Variants in CACNB3 observed in about 807,000 individuals in gnomAD.
CACNB3 encodes calcium voltage-gated channel auxiliary subunit beta 3.
A neutral mutation model predicts 63.7 loss-of-function variants in CACNB3; 36 were observed. That is an observed-to-expected ratio of 0.57 (90% CI 0.43 to 0.75). The LOEUF is 0.75. Ranked by LOEUF, CACNB3 falls within the 30% of genes least tolerant of loss-of-function variation. CACNB3 has a pLI of 0.00. For synonymous variants in CACNB3, 241 were observed against 250.6 expected (o/e 0.96, Z 0.36); for missense variants, 493 against 648.6 (o/e 0.76, Z 2.61).
upstream of CACNB3, chr12:48,815,637 G>A: frequency 6.5e-7 from 1 of 1,532,512 alleles, no homozygotes; most frequent in Non-Finnish European, 8.7e-7. Context: ...TTTTGCTCCC[G>A]CCTCGGAGCC....
intron 1 of CACNB3, among the ~76,000 whole-genome samples, chr12:48,822,747 C>G (rs1409487099): frequency 6.6e-6 from 1 of 152,218 alleles, no homozygotes; most frequent in Non-Finnish European, 1.5e-5. Context: ...TTGTGTCCTC[C>G]TCTTCACCCT....
chr12:48,822,888 G>A (rs1252335930), intron 1 of CACNB3, among the ~76,000 whole-genome samples: 1 of 152,298 alleles, frequency 6.6e-6, no homozygotes, highest in East Asian at 1.9e-4. Flanking sequence ...TCTCTTGACT[G>A]TTGCGGCTGG....
rs1399980171 is a variant in CACNB3 at position 48,826,945 on chromosome 12, C to G, written c.991-29C>G. The G allele has an allele frequency of 6.2e-7, 1 of 1,613,524 alleles. No homozygotes were observed. Among genetic ancestry groups the G allele is most frequent in the Non-Finnish European group, 8.5e-7 (1 of 1,179,640 alleles). On this transcript the variant is annotated intron_variant, in intron 11 of 12. Transcript: ENST00000301050. The surrounding 1 kb of genome is among the most constrained non-coding windows in gnomAD (Gnocchi z 4.8). ...TGGGGGGCTGCTACTGAGGGGAAAC[C>G]AACGTTGCGCCTTCCTCCCCCTCCC...
chr12:48,824,460 G>A (rs1938020211), intron 4 of CACNB3, 87 bp downstream of exon 4: 3 of 1,227,284 alleles, frequency 2.4e-6, no homozygotes, highest in Non-Finnish European at 2.3e-6. Context: ...CCATACACAT[G>A]CATATCCCCC....
Position 48,823,829 on chromosome 12 carries a change from G to A in CACNB3, c.291+26G>A, listed in dbSNP as rs767296329. ...GTGATCGACCCCCCTACTTCCAGAA[G>A]CCTCTAACTTCATTTTCTTGCTCTT... On this transcript the variant is annotated intron_variant, in intron 3 of 12. Transcript: ENST00000301050. The surrounding 1 kb of genome is among the most constrained non-coding windows in gnomAD (Gnocchi z 4.2). The A allele has an allele frequency of 1.2e-4, 192 of 1,613,042 alleles. 1 individual carries two copies. The highest frequency in any genetic ancestry group is 1.4e-4 in the Non-Finnish European group (169 of 1,179,680).
In CACNB3 at chr12:48,826,924, G is replaced by A; in HGVS notation, c.991-50G>A. On this transcript the variant is annotated intron_variant, in intron 11 of 12. Transcript: ENST00000301050. This position sits in a 1 kb window ranked among gnomAD's most constrained non-coding sequence, Gnocchi z 4.8. ...TGCGGCAGTGATAGAGATGGGTGGG[G>A]GGCTGCTACTGAGGGGAAACCAACG... The A allele has an allele frequency of 1.2e-6, 2 of 1,613,344 alleles. No homozygotes were observed. Among genetic ancestry groups the A allele is most frequent in the Non-Finnish European group, 1.7e-6 (2 of 1,179,526 alleles).
Position 48,824,653 on chromosome 12 carries a change from C to T in CACNB3, c.408-16C>T. 6.2e-7 allele frequency: 1 copy of T among 1,610,650 alleles called. No individual in the cohort carries two copies. Among genetic ancestry groups the T allele is most frequent in the Non-Finnish European group, 8.5e-7 (1 of 1,177,066 alleles). On this transcript the variant is annotated splice_polypyrimidine_tract_variant and intron_variant, in intron 4 of 12. Transcript: ENST00000301050. Reference sequence around the variant, plus strand: ...ACATTCTTCTCTCTCTCTCTTTCACCTCCCTTTCTTCTCAGGAGATCTGGG... The same window carrying T: ...ACATTCTTCTCTCTCTCTCTTTCACTTCCCTTTCTTCTCAGGAGATCTGGG...
At chr12:48,818,216 G>A (rs545725548), upstream of CACNB3, among the ~76,000 whole-genome samples, 2 of 152,016 alleles carry the variant, frequency 1.3e-5, 1 homozygote, top group South Asian at 4.2e-4. The surrounding 1 kb of genome is among the most constrained non-coding windows in gnomAD (Gnocchi z 4.3). Flanking sequence ...CCCGTCTGCC[G>A]CTCGTTCCCG....
Position 48,827,642 on chromosome 12 carries a change from T to C in CACNB3, c.1198T>C (p.Leu400=). 2 of 1,613,742 alleles carry C rather than the reference T, an allele frequency of 1.2e-6. No homozygotes were observed. The highest frequency in any genetic ancestry group is 2.7e-5 in the African/African-American group (2 of 75,030). ...GCACTCCCCCCTTGAGCGGGACAGC[T>C]TGATGCCCTCTGATGAGGCCAGCGA... The part of the protein sequence containing the change: ...EEHSPLERDS[L]MPSDEASESS... Residue 400 remains leucine, a synonymous_variant, in exon 13 of 13, where the codon TTG becomes CTG. Transcript: ENST00000301050.
In CACNB3 at chr12:48,823,403, G is replaced by A; in HGVS notation, c.105G>A (p.Glu35=). 6.2e-7 allele frequency: 1 copy of A among 1,614,142 alleles called. No individual in the cohort carries two copies. The highest frequency in any genetic ancestry group is 8.5e-7 in the Non-Finnish European group (1 of 1,179,986). ...TGGACTCAGACGTCTCCCTGGAGGA[G>A]GACCGGGAGAGTGCCCGGCGTGAAG... ...PSLDSDVSLE[E]DRESARREVE... Residue 35 remains glutamate, a synonymous_variant, in exon 2 of 13, where the codon GAG becomes GAA. Coordinates refer to ENST00000301050, the MANE Select transcript of CACNB3 (RefSeq NM_000725.4). The surrounding 1 kb of genome is among the most constrained non-coding windows in gnomAD (Gnocchi z 4.2).
intron 1 of CACNB3, among the ~76,000 whole-genome samples, chr12:48,822,728 C>T (rs1390638488): frequency 1.3e-5 from 2 of 152,192 alleles, no homozygotes; most frequent in Admixed American, 1.3e-4. Context: ...CTTCTAGGAG[C>T]TGGCAGCTTT....
Position 48,825,496 on chromosome 12 carries a change from A to G in CACNB3, c.632+4A>G. On this transcript the variant is annotated splice_donor_region_variant and intron_variant, in intron 8 of 12. Coordinates refer to ENST00000301050, the MANE Select transcript of CACNB3 (RefSeq NM_000725.4). This position sits in a 1 kb window ranked among gnomAD's most constrained non-coding sequence, Gnocchi z 4.5. ...TCAAACACAGATTTGATGGCAGGTA[A>G]GCTGCCCTGGCCTGAGGTGGCCTGA... The G allele has an allele frequency of 6.2e-7, 1 of 1,614,178 alleles. No individual in the cohort carries two copies. Among genetic ancestry groups the G allele is most frequent in the Non-Finnish European group, 8.5e-7 (1 of 1,180,030 alleles).
chr12:48,819,075 G>A, intron 1 of CACNB3, 101 bp downstream of exon 1: 1 of 1,299,420 alleles, frequency 7.7e-7, no homozygotes, highest in East Asian at 2.6e-5. Flanking sequence ...CGCCTCAGTG[G>A]CAGGGCAGGG....
rs183144910 is a variant in CACNB3, at chr12:48,826,181, C to A, written c.743-186C>A. The A allele has an allele frequency of 5.2e-5, 32 of 615,564 alleles. No individual in the cohort carries two copies. The African/African-American group carries it at 5.5e-4, about 11-fold the overall frequency. The allele number at this position is 615,564 out of a possible 1,614,324, so 38.1% of individuals were successfully genotyped here. The stretch of plus-strand genomic sequence containing the variant: ...CTTGTCTTTCTGCCCAACTCCTCTA[C>A]CTGCCCCCAGGATTGGCAAGAACAC... On this transcript the variant is annotated intron_variant, in intron 9 of 12. Transcript: ENST00000301050. This position sits in a 1 kb window ranked among gnomAD's most constrained non-coding sequence, Gnocchi z 4.8.
intron 3 of CACNB3, 40 bp from the exon 4 acceptor site, chr12:48,824,218 C>A (rs1423936895): frequency 1.3e-6 from 2 of 1,499,008 alleles, no homozygotes; most frequent in Non-Finnish European, 1.8e-6. Flanking sequence ...TGGGGCGGGG[C>A]GCTTCTCTCA....
chr12:48,825,823 T>C lies in CACNB3; in HGVS notation c.742+54T>C. 8.0e-7 allele frequency: 1 copy of C among 1,255,366 alleles called. No individual in the cohort carries two copies. The highest frequency in any genetic ancestry group is 1.9e-4 in the Middle Eastern group (1 of 5,376). 77.8% of individuals were successfully genotyped at this position (1,255,366 alleles called of 1,614,324 possible). On this transcript the variant is annotated intron_variant, in intron 9 of 12. Coordinates refer to ENST00000301050, the MANE Select transcript of CACNB3 (RefSeq NM_000725.4). The surrounding 1 kb of genome is among the most constrained non-coding windows in gnomAD (Gnocchi z 4.5). ...GCCCACTCAAGTGCCAGTGAGAACC[T>C]TCCTCCTCCCTTTTCTTTTTTTTGA...
chr12:48,820,279 C>T (rs1937786521), intron 1 of CACNB3: 2 of 152,876 alleles, frequency 1.3e-5, no homozygotes, highest in Non-Finnish European at 2.9e-5. Flanking sequence ...AAACAAACCT[C>T]TCTGTGGGGC....
chr12:48,827,511 A>T, intron 12 of CACNB3, 74 bp from the exon 13 acceptor site: 2 of 1,341,280 alleles, frequency 1.5e-6, no homozygotes, highest in African/African-American at 2.9e-5. Flanking sequence ...TTGAGGGGGG[A>T]AGAATCTCGC....
chr12:48,825,660 G>A lies in CACNB3; in HGVS notation c.633G>A (p.Arg211=). The part of the protein sequence containing the change: ...FDFLKHRFDG[R]ISITRVTADL... ...CTGTGATTCTCCACTCCCACCCCAG[G>A]ATCTCCATCACCCGAGTCACAGCCG... The change falls in exon 9 of 13, where the codon AGG becomes AGA. Residue 211 remains arginine, a splice_region_variant and synonymous_variant. Transcript: ENST00000301050. The surrounding 1 kb of genome is among the most constrained non-coding windows in gnomAD (Gnocchi z 4.5). The A allele has an allele frequency of 6.2e-7, 1 of 1,613,390 alleles. No homozygotes were observed. Among genetic ancestry groups the A allele is most frequent in the Non-Finnish European group, 8.5e-7 (1 of 1,179,390 alleles).
Sources: allele counts gnomAD v4.1 joint callset (sites outside exome capture counted in the v4.1 genomes callset), GRCh38; gene constraint gnomAD v4.1.1; non-coding constraint Gnocchi (gnomAD v3.1); transcripts MANE v1.5; gene names NCBI Gene and HGNC (gene_info 2026-07-23, HGNC 2026-07-21).